The following PRKAG2 variants were observed in gnomAD, a reference collection of about 807,000 sequenced individuals.
The protein encoded by PRKAG2 is 5'-AMP-activated protein kinase subunit gamma-2.
Under a neutral mutation model 69.6 loss-of-function variants are expected in PRKAG2, and 26 were observed. The observed-to-expected ratio is 0.37, with a 90% confidence interval of 0.27 to 0.52. The LOEUF is 0.52. Ranked by LOEUF, PRKAG2 falls within the 20% of genes least tolerant of loss-of-function variation. The pLI is 0.90. For missense variants in PRKAG2, 557 were observed against 740.0 expected, an observed-to-expected ratio of 0.75 and a Z score of 2.87; for synonymous variants, 293 against 285.0, an observed-to-expected ratio of 1.03 and a Z score of -0.28.
chr7:151,591,416 A>T (rs556490393), intron 6 of PRKAG2, among the ~76,000 whole-genome samples: 177 of 152,344 alleles, frequency 1.2e-3, no homozygotes, highest in Non-Finnish European at 2.3e-3. Flanking sequence ...TGGACTAGAC[A>T]GGCAGGAAGT....
At chr7:151,592,393 A>G (rs2151119642) in intron 6 of PRKAG2, among the ~76,000 whole-genome samples, 1 of 152,318 alleles carries the variant, frequency 6.6e-6, no homozygotes, top group Admixed American at 6.5e-5. Context: ...ACCGAGGGGA[A>G]TCTCATGGAA....
chr7:151,678,364 G>A (rs1162428101), intron 3 of PRKAG2, among the ~76,000 whole-genome samples: 1 of 152,184 alleles, frequency 6.6e-6, no homozygotes, highest in Non-Finnish European at 1.5e-5. Flanking sequence ...GCTGCCACCA[G>A]GCAAGGAACA....
intron 3 of PRKAG2, among the ~76,000 whole-genome samples, chr7:151,695,405 T>C (rs552944470): frequency 6.6e-5 from 10 of 152,222 alleles, no homozygotes; most frequent in Admixed American, 5.2e-4. Flanking sequence ...GTGCATTCTT[T>C]TGAGAGAGTC....
At chr7:151,636,538 T>G (rs1472673467) in intron 4 of PRKAG2, among the ~76,000 whole-genome samples, 1 of 152,202 alleles carries the variant, frequency 6.6e-6, no homozygotes, top group East Asian at 1.9e-4. Context: ...ACCTTGTTTA[T>G]CCTTTCGTCA....
intron 5 of PRKAG2, among the ~76,000 whole-genome samples, chr7:151,616,742 C>T (rs190068345): frequency 1.3e-5 from 2 of 152,298 alleles, no homozygotes; most frequent in East Asian, 1.9e-4. Context: ...GGGATGTGAG[C>T]TGGATCCTGA....
At chr7:151,716,375 T>G (rs535104034) in intron 3 of PRKAG2, among the ~76,000 whole-genome samples, 19 of 152,162 alleles carry the variant, frequency 1.2e-4, no homozygotes, top group African/African-American at 4.3e-4. Flanking sequence ...AAGCCCCCTT[T>G]GTGACCCTGG....
At chr7:151,764,021 A>G (rs1025857621) in intron 3 of PRKAG2, among the ~76,000 whole-genome samples, 2 of 152,210 alleles carry the variant, frequency 1.3e-5, no homozygotes, top group Non-Finnish European at 2.9e-5. Context: ...GAGGGGCACA[A>G]ATGAAGTTAA....
At chr7:151,684,204 G>A (rs982116309) in intron 3 of PRKAG2, among the ~76,000 whole-genome samples, 1 of 152,034 alleles carries the variant, frequency 6.6e-6, no homozygotes, top group Non-Finnish European at 1.5e-5. Flanking sequence ...TCTTCCCCTC[G>A]TCGCTCCAGG....
At chr7:151,851,503 T>C (rs376066852) in intron 1 of PRKAG2, among the ~76,000 whole-genome samples, 4 of 152,304 alleles carry the variant, frequency 2.6e-5, no homozygotes, top group East Asian at 1.9e-4. Context: ...GGAGTCGCAA[T>C]GGCCAGTGTG....
At chr7:151,762,995 G>A (rs1464744668) in intron 3 of PRKAG2, among the ~76,000 whole-genome samples, 1 of 152,214 alleles carries the variant, frequency 6.6e-6, no homozygotes, top group Non-Finnish European at 1.5e-5. Context: ...CAGCACTAGA[G>A]ATGGGCAGGG....
chr7:151,589,420 C>A (rs559644256), intron 6 of PRKAG2, among the ~76,000 whole-genome samples: 5 of 152,186 alleles, frequency 3.3e-5, no homozygotes, highest in African/African-American at 9.7e-5. Context: ...GTTTTGGATT[C>A]GGGTCTCAGA....
intron 3 of PRKAG2, among the ~76,000 whole-genome samples, chr7:151,689,184 T>C (rs1835241896): frequency 6.6e-6 from 1 of 152,256 alleles, no homozygotes; most frequent in Non-Finnish European, 1.5e-5. Flanking sequence ...TCTTTGAGTC[T>C]GCTCTGAACC....
At chr7:151,750,096 CA>C (rs35915808) in intron 3 of PRKAG2, among the ~76,000 whole-genome samples, 15,982 of 63,002 alleles carry the variant, frequency 0.25, 554 homozygotes, top group African/African-American at 0.28. Context: ...GACTCCATCT[CA>C]AAAAAAAAAA....
At chr7:151,576,200 C>G (rs1303217123) in intron 7 of PRKAG2, 171 bp downstream of exon 7, 4 of 715,874 alleles carry the variant, frequency 5.6e-6, no homozygotes, top group East Asian at 5.6e-5. Context: ...CTTGGCCTCC[C>G]AAAGTGCTGA....
At chr7:151,706,643 G>C (rs1838663743) in intron 3 of PRKAG2, among the ~76,000 whole-genome samples, 1 of 152,218 alleles carries the variant, frequency 6.6e-6, no homozygotes, top group Non-Finnish European at 1.5e-5. Context: ...AGAATTTCAA[G>C]CTGAAATCTT....
intron 9 of PRKAG2, among the ~76,000 whole-genome samples, chr7:151,571,796 T>C (rs1807642987): frequency 6.6e-6 from 1 of 152,184 alleles, no homozygotes; most frequent in Non-Finnish European, 1.5e-5. Context: ...CCTGGGGGTG[T>C]AAGAGAACTC....
intron 3 of PRKAG2, among the ~76,000 whole-genome samples, chr7:151,728,753 A>T (rs1249478413): frequency 1.3e-5 from 2 of 152,060 alleles, no homozygotes; most frequent in Non-Finnish European, 2.9e-5. Context: ...CACTGTCACG[A>T]CAGCTCACCT....
chr7:151,788,827 G>A lies in PRKAG2; in HGVS notation c.115-2286C>T, dbSNP rs1269380959. On this transcript the variant is annotated intron_variant, in intron 1 of 15. Coordinates refer to ENST00000287878, the MANE Select transcript of PRKAG2 (RefSeq NM_016203.4). The surrounding 1 kb of genome is among the most constrained non-coding windows in gnomAD (Gnocchi z 4.6). ...TTGACCTATGTAAATTTTTGTATAT[G>A]GTATAAACGTAAGGGTGCAATTTCA... 6.6e-6 allele frequency among the ~76,000 whole-genome samples: 1 copy of A among 152,110 alleles called. No individual in the cohort carries two copies. Among genetic ancestry groups the A allele is most frequent in the Non-Finnish European group, 1.5e-5 (1 of 68,018 alleles).
At chr7:151,693,961 C>T (rs1375202149) in intron 3 of PRKAG2, among the ~76,000 whole-genome samples, 2 of 150,266 alleles carry the variant, frequency 1.3e-5, no homozygotes, top group Non-Finnish European at 3.0e-5. Flanking sequence ...AACTTGTGAC[C>T]CCTGGGTTCA....
Sources: allele counts gnomAD v4.1 joint callset (sites outside exome capture counted in the v4.1 genomes callset), GRCh38; gene constraint gnomAD v4.1.1; non-coding constraint Gnocchi (gnomAD v3.1); transcripts MANE v1.5; gene names NCBI Gene and HGNC (gene_info 2026-07-23, HGNC 2026-07-21).